Variants in TMPRSS4 observed in about 807,000 individuals in gnomAD.
TMPRSS4 encodes the protein transmembrane serine protease 4.
Under a neutral mutation model 56.4 loss-of-function variants are expected in TMPRSS4, and 45 were observed. The ratio of observed to expected loss-of-function variants is 0.80; its 90% CI spans 0.63 to 1.02. The LOEUF (loss-of-function observed/expected upper bound fraction) is 1.02, where lower values mean the gene tolerates loss of function less well. TMPRSS4 is among the 50% of genes least tolerant of loss of function. TMPRSS4 has a pLI of 0.00. For synonymous variants in TMPRSS4, 205 were observed against 211.0 expected (o/e 0.97, Z 0.25); for missense variants, 546 against 556.7 (o/e 0.98, Z 0.19).
At chr11:118,088,541 C>T (rs774222101) in intron 1 of TMPRSS4, among the ~76,000 whole-genome samples, 1 of 152,248 alleles carries the variant, frequency 6.6e-6, no homozygotes, top group Non-Finnish European at 1.5e-5. Flanking sequence ...GGCATTCTTG[C>T]CCTTCCACTG....
At position 118,117,471 on chromosome 11, in the gene TMPRSS4, C is replaced by T; in HGVS notation, c.1302+17C>T. ...GTCTGGAAGGTAAGGTACCTTTGCC[C>T]TACCCACTGTGCCTTCCCTCCAGTC... On this transcript the variant is annotated intron_variant, in intron 12 of 12. Transcript: ENST00000437212. The T allele has an allele frequency of 6.2e-7, 1 of 1,604,106 alleles. No individual in the cohort carries two copies. Among genetic ancestry groups the T allele is most frequent in the East Asian group, 2.2e-5 (1 of 44,776 alleles).
chr11:118,113,330 C>A lies in TMPRSS4; in HGVS notation c.805C>A (p.Pro269Thr). 1 of 1,614,134 alleles carries A rather than the reference C, an allele frequency of 6.2e-7. No individual in the cohort carries two copies. Among genetic ancestry groups the A allele is most frequent in the Non-Finnish European group, 8.5e-7 (1 of 1,180,022 alleles). The change falls in exon 9 of 13, where the codon CCA becomes ACA. Residue 269 changes from proline (P) to threonine (T), a missense_variant. Coordinates refer to ENST00000437212, the MANE Select transcript of TMPRSS4 (RefSeq NM_019894.4). Reference protein sequence around the residue: ...RAGSDKLGSFPSLAVAKIIII... With the variant: ...RAGSDKLGSFTSLAVAKIIII... The stretch of plus-strand genomic sequence containing the variant: ...AGGCTCAGACAAACTGGGCAGCTTC[C>A]CATCCCTGGCTGTGGCCAAGATCAT...
Position 118,119,388 on chromosome 11 carries a change from C to G in TMPRSS4, c.*1475C>G. ...GGAGGAAAATTTCCCAAATTTAGAG[C>G]CTCAGGATTCCCAAAGATCCTCCAA... On this transcript the variant is annotated 3_prime_UTR_variant, in exon 13 of 13. Coordinates refer to ENST00000437212, the MANE Select transcript of TMPRSS4 (RefSeq NM_019894.4). 1.0e-6 allele frequency: 1 copy of G among 978,670 alleles called. No homozygotes were observed. Among genetic ancestry groups the G allele is most frequent in the Middle Eastern group, 5.2e-4 (1 of 1,906 alleles). The allele number at this position is 978,670 out of a possible 1,614,324, so 60.6% of individuals were successfully genotyped here.
Position 118,082,454 on chromosome 11 carries a change from G to A in TMPRSS4, c.3+5149G>A, listed in dbSNP as rs576440952. 4.8e-3 allele frequency among the ~76,000 whole-genome samples: 732 copies of A among 152,120 alleles called. 5 individuals are homozygous for A. The highest frequency in any genetic ancestry group is 8.7e-3 in the Non-Finnish European group (591 of 68,000). ...CTCACGCCTGTAATCCCAGCGACTC[G>A]GGAAGCTGAGGCATGAGAATCGCTT... On this transcript the variant is annotated intron_variant, in intron 1 of 12. Transcript: ENST00000437212.
chr11:118,113,110 A>G (rs1947361731), intron 8 of TMPRSS4, among the ~76,000 whole-genome samples, 159 bp from the exon 9 acceptor site: 1 of 152,040 alleles, frequency 6.6e-6, no homozygotes, highest in South Asian at 2.1e-4. Context: ...TGTAAGTGCC[A>G]GAAGACTGCC....
chr11:118,117,261 C>T, intron 11 of TMPRSS4, 44 bp from the exon 12 acceptor site: 1 of 1,609,260 alleles, frequency 6.2e-7, no homozygotes, highest in Non-Finnish European at 8.5e-7. Context: ...AGCCCCCCCA[C>T]CTCACCTGCC....
chr11:118,083,729 A>ATTG (rs888911737), intron 1 of TMPRSS4, among the ~76,000 whole-genome samples: 1 of 152,180 alleles, frequency 6.6e-6, no homozygotes, highest in Non-Finnish European at 1.5e-5. Context: ...GTAAACTATT[A>ATTG]TTGTTGTTGT....
intron 1 of TMPRSS4, among the ~76,000 whole-genome samples, chr11:118,086,596 C>T (rs973421984): frequency 2.6e-5 from 4 of 152,200 alleles, no homozygotes; most frequent in South Asian, 2.1e-4. Context: ...GTAACAGGTG[C>T]GATCCCAGGA....
chr11:118,093,824 C>CCT (rs998628639), intron 1 of TMPRSS4, among the ~76,000 whole-genome samples: 2 of 151,386 alleles, frequency 1.3e-5, no homozygotes, highest in Admixed American at 6.6e-5. Context: ...AACTGCCCCC[C>CCT]CCAATGGTAA....
At chr11:118,111,954 G>T in intron 8 of TMPRSS4, 54 bp downstream of exon 8, 2 of 1,576,376 alleles carry the variant, frequency 1.3e-6, no homozygotes, top group South Asian at 1.2e-5. Flanking sequence ...TCAGGGACCA[G>T]AGAGCTTGGG....
rs755836663 is a variant in TMPRSS4, at chr11:118,120,277, G to A, written c.*2364G>A. 1.3e-5 allele frequency: 2 copies of A among 152,128 alleles called. No individual in the cohort carries two copies. The highest frequency in any genetic ancestry group is 2.9e-5 in the Non-Finnish European group (2 of 68,020). The allele number at this position is 152,128 out of a possible 1,614,324, so 9.4% of individuals were successfully genotyped here. A position where few individuals can be genotyped will look rare whatever the true frequency, so the allele number is the denominator to read the frequency against. ...TGTGAATTATGCTGCTGTGAACATGGGTGTACAAGTATCTCTTTGAGGCCC... is the reference window on the plus strand; with the variant it reads ...TGTGAATTATGCTGCTGTGAACATGAGTGTACAAGTATCTCTTTGAGGCCC... On this transcript the variant is annotated 3_prime_UTR_variant, in exon 13 of 13. Transcript: ENST00000437212.
chr11:118,113,068 A>C (rs555327015), intron 8 of TMPRSS4, among the ~76,000 whole-genome samples: 1 of 152,064 alleles, frequency 6.6e-6, no homozygotes, highest in Admixed American at 6.5e-5. Flanking sequence ...CTGAGGAAAA[A>C]GGGTCAAATC....
chr11:118,117,542 G>A (rs1432798340), intron 12 of TMPRSS4, 88 bp downstream of exon 12: 5 of 1,524,716 alleles, frequency 3.3e-6, no homozygotes, highest in Non-Finnish European at 4.4e-6. Flanking sequence ...GATTTAAATG[G>A]TTCTGACAAC....
intron 7 of TMPRSS4, 25 bp from the exon 8 acceptor site, chr11:118,111,716 C>T: frequency 6.5e-7 from 1 of 1,536,452 alleles, no homozygotes; most frequent in Non-Finnish European, 8.7e-7. Flanking sequence ...CTTCCTGCCT[C>T]CTCCCTGCCT....
chr11:118,106,191 A>T (rs185895201), intron 5 of TMPRSS4: 1 of 152,276 alleles, frequency 6.6e-6, no homozygotes, highest in Non-Finnish European at 1.5e-5. Context: ...GGGTGTCTCC[A>T]GGGGTTCTTA....
rs1043390539 is a variant in TMPRSS4, at chr11:118,119,639, G to A, written c.*1726G>A. On this transcript the variant is annotated 3_prime_UTR_variant, in exon 13 of 13. Transcript: ENST00000437212. ...ATACTCACAGAAATCTGTGAGATGG[G>A]TATTATTCTTATCCTCACTCTATGG... The A allele has an allele frequency of 1.3e-5, 2 of 152,310 alleles. No individual in the cohort carries two copies. Among genetic ancestry groups the A allele is most frequent in the African/African-American group, 4.8e-5 (2 of 41,416 alleles). The allele number at this position is 152,310 out of a possible 1,614,324, so 9.4% of individuals were successfully genotyped here.
intron 7 of TMPRSS4, among the ~76,000 whole-genome samples, chr11:118,109,537 C>T (rs1356798111): frequency 6.6e-6 from 1 of 152,124 alleles, no homozygotes; most frequent in South Asian, 2.1e-4. Flanking sequence ...AGTGTGGCCT[C>T]GAGTCATTCA....
At chr11:118,097,082 A>T (rs11216746) in intron 2 of TMPRSS4, among the ~76,000 whole-genome samples, 39,176 of 96,542 alleles carry the variant, frequency 0.41, 8,692 homozygotes, top group African/African-American at 0.52. Flanking sequence ...AGTAGAAGGG[A>T]CGTACTTAAG....
intron 1 of TMPRSS4, among the ~76,000 whole-genome samples, chr11:118,093,309 C>T (rs1405395072): frequency 1.3e-5 from 2 of 152,200 alleles, no homozygotes; most frequent in Non-Finnish European, 2.9e-5. Context: ...CCAAGAGGAA[C>T]AGAAAAAATT....
Sources: allele counts gnomAD v4.1 joint callset (sites outside exome capture counted in the v4.1 genomes callset), GRCh38; gene constraint gnomAD v4.1.1; transcripts MANE v1.5; gene names NCBI Gene and HGNC (gene_info 2026-07-23, HGNC 2026-07-21).